The following FAM149B1 variants were observed in gnomAD, a reference collection of about 807,000 sequenced individuals.
FAM149B1 encodes family with sequence similarity 149 member B1.
Under a neutral mutation model 75.3 loss-of-function variants are expected in FAM149B1, and 56 were observed. That is an observed-to-expected ratio of 0.74 (90% confidence interval 0.60 to 0.93). FAM149B1 has a LOEUF of 0.93. FAM149B1 is among the 40% of genes least tolerant of loss of function. The pLI is 0.00. For synonymous variants in FAM149B1, 259 were observed against 256.1 expected, an observed-to-expected ratio of 1.01 and a Z score of -0.11; for missense variants, 639 against 708.4, an observed-to-expected ratio of 0.90 and a Z score of 1.11.
chr10:73,193,415 C>G, intron 4 of FAM149B1, 62 bp from the exon 5 acceptor site: 12 of 1,492,386 alleles, frequency 8.0e-6, no homozygotes, highest in Non-Finnish European at 1.1e-5. Flanking sequence ...CAAAATATAT[C>G]TAGATTTTGT....
At chr10:73,232,415 A>G (rs7073219) in intron 9 of FAM149B1, among the ~76,000 whole-genome samples, 15,969 of 152,224 alleles carry the variant, frequency 0.1, 1,213 homozygotes, top group East Asian at 0.31. Flanking sequence ...AGCTTTCCAA[A>G]GAACCCAAAC....
intron 3 of FAM149B1, among the ~76,000 whole-genome samples, chr10:73,183,035 G>A (rs1030224358): frequency 3.5e-4 from 54 of 152,198 alleles, no homozygotes; most frequent in African/African-American, 1.3e-3. Context: ...CTCCCTGCCT[G>A]GGGACAATTT....
intron 3 of FAM149B1, among the ~76,000 whole-genome samples, chr10:73,188,041 C>A (rs1256422012): frequency 2.6e-5 from 4 of 152,156 alleles, no homozygotes; most frequent in Non-Finnish European, 5.9e-5. Flanking sequence ...CAAGATTGTG[C>A]CACTGCACTC....
chr10:73,236,413 CTTT>C lies in FAM149B1; in HGVS notation c.1602+1111_1602+1113del, dbSNP rs571460371. On this transcript the variant is annotated intron_variant, in intron 12 of 13. Transcript: ENST00000242505. ...CAGCTGCATCACTCCCAATTTCTGC[CTTT>C]TTTTTTTTTTTTTTTGAGACGGAGT... 2.4e-4 allele frequency among the ~76,000 whole-genome samples: 32 copies of C among 133,278 alleles called. 1 individual carries two copies. The East Asian group carries it at 4.6e-3, about 19-fold the overall frequency. The allele number at this position is 133,278 out of a possible 152,430, so 87.4% of individuals were successfully genotyped here.
chr10:73,241,179 A>T lies in FAM149B1; in HGVS notation c.*160A>T, dbSNP rs3763725. ...TGACCGAAGAACAAAACACCATAGC[A>T]GCCAAAAATGACATGAGTGTTGTTT... is the stretch of plus-strand genomic sequence containing the variant. On this transcript the variant is annotated 3_prime_UTR_variant, in exon 14 of 14. Coordinates refer to ENST00000242505, the MANE Select transcript of FAM149B1 (RefSeq NM_173348.2). 3.7e-5 allele frequency: 22 copies of T among 599,720 alleles called. No individual in the cohort carries two copies. The South Asian group carries it at 4.1e-4, about 11-fold the overall frequency. The allele number at this position is 599,720 out of a possible 1,614,324, so 37.1% of individuals were successfully genotyped here.
intron 7 of FAM149B1, among the ~76,000 whole-genome samples, chr10:73,222,434 T>C (rs78732088): frequency 3.3e-5 from 5 of 152,186 alleles, no homozygotes; most frequent in Admixed American, 2.0e-4. Flanking sequence ...CTTTTTTTTT[T>C]CCTAGCCTCA....
At chr10:73,168,806 A>C in intron 1 of FAM149B1, 1 of 166,170 alleles carries the variant, frequency 6.0e-6, no homozygotes, top group Non-Finnish European at 1.3e-5. Flanking sequence ...ACAGATAAAG[A>C]TCCCAGAATT....
At chr10:73,237,790 A>G (rs748071589) in intron 12 of FAM149B1, among the ~76,000 whole-genome samples, 2 of 151,730 alleles carry the variant, frequency 1.3e-5, no homozygotes, top group East Asian at 2.0e-4. Context: ...TAGTGGTGCA[A>G]TCAGCACACT....
rs559604779 is a variant in FAM149B1, at chr10:73,192,540, G to A, written c.283-16G>A. 1 of 1,547,966 alleles carries A rather than the reference G, an allele frequency of 6.5e-7. No homozygotes were observed. On this transcript the variant is annotated splice_polypyrimidine_tract_variant and intron_variant, in intron 3 of 13. Coordinates refer to ENST00000242505, the MANE Select transcript of FAM149B1 (RefSeq NM_173348.2). The stretch of plus-strand genomic sequence containing the variant: ...ATCAGCTCACCTAAATATTTGGGGG[G>A]AATATTTTCTTCTAGGAACTCGATC...
At chr10:73,169,792 G>C (rs1443762231) in intron 1 of FAM149B1, among the ~76,000 whole-genome samples, 1 of 152,016 alleles carries the variant, frequency 6.6e-6, no homozygotes, top group African/African-American at 2.4e-5. Context: ...TGTAAAGTGG[G>C]TATGATTATC....
intron 1 of FAM149B1, 49 bp downstream of exon 1, chr10:73,168,435 T>A (rs766828271): frequency 3.9e-6 from 6 of 1,545,940 alleles, no homozygotes; most frequent in Non-Finnish European, 5.2e-6. Context: ...GCGGGCGCTC[T>A]GGGGACCCTC....
intron 3 of FAM149B1, among the ~76,000 whole-genome samples, chr10:73,191,186 G>A (rs368387951): frequency 6.2e-5 from 9 of 146,208 alleles, no homozygotes; most frequent in African/African-American, 2.3e-4. Context: ...GATTACTGGC[G>A]TGAGCCGTGA....
Position 73,243,496 on chromosome 10 carries a change from C to T in FAM149B1, c.*2477C>T. ...TCTGAGCCAGAAAATTGTCCATTTC[C>T]TTTTGCCGATCCTTTTGTCTGCTCT... On this transcript the variant is annotated 3_prime_UTR_variant, in exon 14 of 14. Coordinates refer to ENST00000242505, the MANE Select transcript of FAM149B1 (RefSeq NM_173348.2). 6.2e-7 allele frequency: 1 copy of T among 1,614,018 alleles called. No individual in the cohort carries two copies. Among genetic ancestry groups the T allele is most frequent in the Non-Finnish European group, 8.5e-7 (1 of 1,180,002 alleles).
intron 12 of FAM149B1, among the ~76,000 whole-genome samples, chr10:73,237,196 A>C (rs914871112): frequency 1.3e-5 from 2 of 152,154 alleles, no homozygotes; most frequent in South Asian, 2.1e-4. Flanking sequence ...GGTGGACATA[A>C]ATTTTGAGGG....
chr10:73,219,783 G>A (rs1439404899), intron 7 of FAM149B1, among the ~76,000 whole-genome samples: 1 of 152,034 alleles, frequency 6.6e-6, no homozygotes, highest in East Asian at 1.9e-4. Context: ...CTAAATTTGA[G>A]AGCCAAAATC....
At chr10:73,209,991 C>T (rs1054313702) in intron 6 of FAM149B1, among the ~76,000 whole-genome samples, 8 of 152,126 alleles carry the variant, frequency 5.3e-5, no homozygotes, top group African/African-American at 1.9e-4. Context: ...ATAAGCCAGG[C>T]TTCTATACAT....
intron 3 of FAM149B1, chr10:73,183,590 T>C (rs2042452456): frequency 6.6e-6 from 1 of 152,102 alleles, no homozygotes; most frequent in Admixed American, 6.6e-5. Flanking sequence ...AGAAAGACAA[T>C]GTAATAACAA....
chr10:73,235,884 T>C (rs1028675914), intron 12 of FAM149B1, among the ~76,000 whole-genome samples: 2 of 152,188 alleles, frequency 1.3e-5, no homozygotes, highest in Admixed American at 6.5e-5. Flanking sequence ...GCCTACCATT[T>C]ATTAGGCATT....
chr10:73,235,148 TAC>T, intron 11 of FAM149B1, 43 bp from the exon 12 acceptor site: 1 of 1,546,062 alleles, frequency 6.5e-7, no homozygotes, highest in South Asian at 1.2e-5. Context: ...CATACCACAT[TAC>T]AGATAGTTTT....
Sources: allele counts gnomAD v4.1 joint callset (sites outside exome capture counted in the v4.1 genomes callset), GRCh38; gene constraint gnomAD v4.1.1; transcripts MANE v1.5; gene names NCBI Gene and HGNC (gene_info 2026-07-23, HGNC 2026-07-21).